The following SPP2 variants were observed in gnomAD, a reference collection of about 807,000 sequenced individuals.
SPP2 encodes secreted phosphoprotein 2, also known as secreted phosphoprotein 24.
In SPP2, 34 loss-of-function variants were observed where a neutral mutation model predicts 28.8. The observed-to-expected ratio is 1.18, with a 90% CI of 0.90 to 1.57. SPP2 has a LOEUF of 1.57. Among genes scored for constraint, SPP2 ranks in the 40% most tolerant of loss-of-function variants. The probability of loss-of-function intolerance (pLI) is 0.00; values close to 1 mark genes in which losing one functional copy is unlikely to be tolerated. For synonymous variants in SPP2, 96 were observed against 89.4 expected (o/e 1.07, Z -0.42); for missense variants, 269 against 263.9 (o/e 1.02, Z -0.13).
At chr2:234,062,083 G>A (rs1013752964) in intron 4 of SPP2, among the ~76,000 whole-genome samples, 4 of 152,190 alleles carry the variant, frequency 2.6e-5, no homozygotes, top group African/African-American at 4.8e-5. Context: ...TTGATTTGTG[G>A]TTCATATGAG....
intron 4 of SPP2, among the ~76,000 whole-genome samples, chr2:234,061,774 G>A (rs927020250): frequency 1.3e-5 from 2 of 152,144 alleles, no homozygotes; most frequent in African/African-American, 4.8e-5. Context: ...ACTTAACACA[G>A]TTTATTAGGA....
At position 234,066,518 on chromosome 2, in the gene SPP2, C is replaced by A; in HGVS notation, c.445-15C>A. The A allele has an allele frequency of 6.2e-7, 1 of 1,609,146 alleles. No individual in the cohort carries two copies. The highest frequency in any genetic ancestry group is 1.7e-5 in the Admixed American group (1 of 59,742). Reference sequence around the variant, plus strand: ...TTTCATGTGCTGACACATCCTGATGCCTGAATTTCTTTAGATGATTTTTGG... The same window carrying A: ...TTTCATGTGCTGACACATCCTGATGACTGAATTTCTTTAGATGATTTTTGG... On this transcript the variant is annotated splice_polypyrimidine_tract_variant and intron_variant, in intron 4 of 7. Transcript: ENST00000168148.
At chr2:234,060,592 C>T in intron 4 of SPP2, 113 bp downstream of exon 4, 1 of 765,362 alleles carries the variant, frequency 1.3e-6, no homozygotes, top group Non-Finnish European at 2.2e-6. Context: ...CTTGGGGATG[C>T]CGAACTCTGC....
At chr2:234,058,331 C>T (rs1693649066) in intron 2 of SPP2, among the ~76,000 whole-genome samples, 1 of 152,128 alleles carries the variant, frequency 6.6e-6, no homozygotes, top group Non-Finnish European at 1.5e-5. Context: ...CCATAAAAAG[C>T]ACACTTGTTT....
At position 234,050,969 on chromosome 2, in the gene SPP2, A is replaced by G; in HGVS notation, c.86-2A>G. 6.2e-7 allele frequency: 1 copy of G among 1,613,998 alleles called. No individual in the cohort carries two copies. Among genetic ancestry groups the G allele is most frequent in the Non-Finnish European group, 8.5e-7 (1 of 1,179,912 alleles). On this transcript the variant is annotated splice_acceptor_variant, in intron 1 of 7. Coordinates refer to ENST00000168148, the MANE Select transcript of SPP2 (RefSeq NM_006944.3). LOFTEE classifies it high-confidence loss of function. ...CTGTGCCCCATGTGCTTGCGTGTCC[A>G]GGTTTCCCAGTGTACGACTACGATC...
At chr2:234,061,109 G>T (rs1693711435) in intron 4 of SPP2, among the ~76,000 whole-genome samples, 1 of 152,140 alleles carries the variant, frequency 6.6e-6, no homozygotes, top group Non-Finnish European at 1.5e-5. Context: ...GATACTCAAT[G>T]GATGGCAGGA....
chr2:234,071,264 G>A (rs773090347), intron 7 of SPP2, among the ~76,000 whole-genome samples: 11 of 152,124 alleles, frequency 7.2e-5, no homozygotes, highest in African/African-American at 1.4e-4. Flanking sequence ...CAGGTTTATC[G>A]TGAAACATGG....
At chr2:234,069,823 T>G in intron 6 of SPP2, 105 bp from the exon 7 acceptor site, 1 of 886,808 alleles carries the variant, frequency 1.1e-6, no homozygotes, top group Admixed American at 1.9e-5. Flanking sequence ...TGGGTTCAGG[T>G]TATGCTTGTC....
intron 2 of SPP2, among the ~76,000 whole-genome samples, chr2:234,052,698 A>T (rs1693522476): frequency 6.6e-6 from 1 of 152,154 alleles, no homozygotes; most frequent in African/African-American, 2.4e-5. Context: ...CTGCTCCTTT[A>T]CCTGGAGGTC....
rs187187013 is a variant in SPP2 at position 234,067,001 on chromosome 2, C to T, written c.500-223C>T. ...TCTTAGTTCAGGGAGGAAGGGCTCTCCTTCTTTCTTTTCTTGTGTGGCTTT... is the reference window on the plus strand; with the variant it reads ...TCTTAGTTCAGGGAGGAAGGGCTCTTCTTCTTTCTTTTCTTGTGTGGCTTT... On this transcript the variant is annotated intron_variant, in intron 5 of 7. Coordinates refer to ENST00000168148, the MANE Select transcript of SPP2 (RefSeq NM_006944.3). Among the ~76,000 whole-genome samples the T allele has an allele frequency of 5.9e-3, 896 of 152,270 alleles. 6 individuals are homozygous for T. The highest frequency in any genetic ancestry group is 0.01 in the Non-Finnish European group (698 of 68,024).
chr2:234,060,201 T>C (rs1693690109), intron 3 of SPP2, among the ~76,000 whole-genome samples, 168 bp from the exon 4 acceptor site: 1 of 152,242 alleles, frequency 6.6e-6, no homozygotes. Flanking sequence ...TTCCATTTGT[T>C]TCTGCTTCGG....
intron 3 of SPP2, among the ~76,000 whole-genome samples, chr2:234,060,143 T>TTTC (rs1174134468): frequency 4.6e-5 from 7 of 152,222 alleles, no homozygotes; most frequent in Non-Finnish European, 1.0e-4. Flanking sequence ...AATGTTTGCG[T>TTTC]TTCCTAGAGA....
chr2:234,051,625 C>T (rs1158066200), intron 2 of SPP2, among the ~76,000 whole-genome samples: 1 of 152,144 alleles, frequency 6.6e-6, no homozygotes, highest in Non-Finnish European at 1.5e-5. Context: ...TAAAAATATC[C>T]TTCAAAGGAA....
chr2:234,055,546 T>C (rs577657087), intron 2 of SPP2, among the ~76,000 whole-genome samples: 9 of 152,350 alleles, frequency 5.9e-5, no homozygotes, highest in African/African-American at 2.2e-4. Context: ...AATTGTCAAA[T>C]GGAATTGCTA....
intron 6 of SPP2, among the ~76,000 whole-genome samples, chr2:234,069,192 A>AAGAGAGAG (rs143384388): frequency 4.1e-4 from 62 of 149,770 alleles, no homozygotes; most frequent in East Asian, 3.7e-3. Context: ...ATTTGAGAGA[A>AAGAGAGAG]AGAGAGAGAG....
intron 6 of SPP2, among the ~76,000 whole-genome samples, chr2:234,067,802 A>G (rs1437808601): frequency 1.5e-5 from 2 of 135,734 alleles, no homozygotes; most frequent in African/African-American, 2.6e-5. Flanking sequence ...AAAAAAAAAA[A>G]AAAAAAGTTA....
chr2:234,073,883 G>T (rs1399788167), intron 7 of SPP2, among the ~76,000 whole-genome samples: 1 of 152,164 alleles, frequency 6.6e-6, no homozygotes, highest in Admixed American at 6.5e-5. Flanking sequence ...TCATTCTCAT[G>T]ATTTTATCCA....
chr2:234,058,841 G>C lies in SPP2; in HGVS notation c.216G>C (p.Glu72Asp). The C allele has an allele frequency of 6.2e-7, 1 of 1,612,848 alleles. No individual in the cohort carries two copies. The highest frequency in any genetic ancestry group is 1.1e-5 in the South Asian group (1 of 90,656). ...RAFRSSLKRV[E>D]VLDENNLVMN... The stretch of plus-strand genomic sequence containing the variant: ...GAAACTTTATTTTTGTGAAGGTTGA[G>C]GTCCTAGATGAGAACAACTTGGTCA... Residue 72 changes from glutamate to aspartate, a missense_variant, in exon 3 of 8, where the codon GAG becomes GAC. Glu to Asp is a conservative substitution (Grantham distance 45). Transcript: ENST00000168148.
At position 234,070,038 on chromosome 2, in the gene SPP2, G is replaced by C. The variant is rs772281271; in HGVS notation, c.*10+15G>C. 6.3e-7 allele frequency: 1 copy of C among 1,591,802 alleles called. No individual in the cohort carries two copies. Among genetic ancestry groups the C allele is most frequent in the East Asian group, 2.2e-5 (1 of 44,692 alleles). On this transcript the variant is annotated intron_variant, in intron 7 of 7. Transcript: ENST00000168148. ...ACGGCCTTGAGGTAAGAAAATGCAGGTGCACACAAGTGTATTTAGAAATAG... is the reference window on the plus strand; with the variant it reads ...ACGGCCTTGAGGTAAGAAAATGCAGCTGCACACAAGTGTATTTAGAAATAG...
Sources: allele counts gnomAD v4.1 joint callset (sites outside exome capture counted in the v4.1 genomes callset), GRCh38; gene constraint gnomAD v4.1.1; transcripts MANE v1.5; gene names NCBI Gene and HGNC (gene_info 2026-07-23, HGNC 2026-07-21).